LHFPL6: variants seen among roughly 807,000 people sequenced by gnomAD.
The protein encoded by LHFPL6 is LHFPL tetraspan subfamily member 6.
In LHFPL6, 9 loss-of-function variants were observed where a neutral mutation model predicts 20.6. The observed-to-expected ratio is 0.44, with a 90% CI of 0.26 to 0.76. LHFPL6 has a LOEUF of 0.76. Ranked by LOEUF, LHFPL6 falls within the 30% of genes least tolerant of loss-of-function variation. The pLI, the probability that LHFPL6 is intolerant of heterozygous loss-of-function variation, is 0.20. For missense variants in LHFPL6, 218 were observed against 253.5 expected (o/e 0.86, Z 0.95); for synonymous variants, 105 against 98.7 (o/e 1.06, Z -0.38).
At chr13:39,489,027 C>G (rs1404139773) in intron 2 of LHFPL6, among the ~76,000 whole-genome samples, 1 of 152,182 alleles carries the variant, frequency 6.6e-6, no homozygotes. Context: ...CTCCACCTCA[C>G]AAATGATCTG....
intron 3 of LHFPL6, among the ~76,000 whole-genome samples, chr13:39,369,084 T>A (rs1390506444): frequency 1.6e-4 from 23 of 147,584 alleles, no homozygotes; most frequent in African/African-American, 5.5e-4. Context: ...TTTTTTTTTT[T>A]AAACTAATAA....
chr13:39,364,088 A>G (rs1869949333), intron 3 of LHFPL6, among the ~76,000 whole-genome samples: 1 of 152,160 alleles, frequency 6.6e-6, no homozygotes, highest in Non-Finnish European at 1.5e-5. Context: ...AAACATCATT[A>G]TGTAGTGCGT....
chr13:39,523,108 G>A (rs545685020), intron 2 of LHFPL6, among the ~76,000 whole-genome samples: 1 of 152,230 alleles, frequency 6.6e-6, no homozygotes, highest in South Asian at 2.1e-4. Flanking sequence ...ACCACTTTGG[G>A]CCTTTATTTC....
intron 2 of LHFPL6, among the ~76,000 whole-genome samples, chr13:39,472,169 C>G (rs1472497477): frequency 1.3e-5 from 2 of 152,154 alleles, no homozygotes. Flanking sequence ...CATGCCTTCT[C>G]CTTGTGGCTG....
chr13:39,494,284 G>C (rs1049245222), intron 2 of LHFPL6, among the ~76,000 whole-genome samples: 4 of 152,250 alleles, frequency 2.6e-5, no homozygotes, highest in Admixed American at 2.6e-4. Flanking sequence ...CTGCCCATAA[G>C]GAAGGCACTG....
chr13:39,557,462 G>A (rs1871340732), intron 2 of LHFPL6, among the ~76,000 whole-genome samples: 1 of 152,240 alleles, frequency 6.6e-6, no homozygotes, highest in South Asian at 2.1e-4. Context: ...AGGGCAGTGT[G>A]GAGGGAAAAT....
intron 2 of LHFPL6, among the ~76,000 whole-genome samples, chr13:39,490,598 T>C (rs1868894251): frequency 6.6e-6 from 1 of 152,238 alleles, no homozygotes; most frequent in Non-Finnish European, 1.5e-5. Flanking sequence ...TAATGCTACA[T>C]CTGTGGCCAT....
intron 3 of LHFPL6, among the ~76,000 whole-genome samples, chr13:39,371,143 C>T (rs964232509): frequency 2.0e-5 from 3 of 152,138 alleles, no homozygotes; most frequent in Non-Finnish European, 2.9e-5. Flanking sequence ...TTCCAGTTTA[C>T]GGCACTGCTC....
intron 2 of LHFPL6, among the ~76,000 whole-genome samples, chr13:39,411,422 C>T (rs948953725): frequency 6.6e-6 from 1 of 152,208 alleles, no homozygotes; most frequent in Non-Finnish European, 1.5e-5. Flanking sequence ...AGGTGAGCCA[C>T]TTTTTGGAAG....
At chr13:39,566,426 A>G (rs975058925) in intron 2 of LHFPL6, among the ~76,000 whole-genome samples, 3 of 152,172 alleles carry the variant, frequency 2.0e-5, no homozygotes, top group Admixed American at 2.0e-4. Context: ...ACAAAAGGTT[A>G]CTGAGATTGA....
chr13:39,457,643 C>T (rs1872602122), intron 2 of LHFPL6, among the ~76,000 whole-genome samples: 3 of 152,116 alleles, frequency 2.0e-5, no homozygotes, highest in Admixed American at 2.0e-4. Flanking sequence ...AAGGCAAAAC[C>T]ACAATGACAA....
chr13:39,430,115 A>G (rs1257645970), intron 2 of LHFPL6, among the ~76,000 whole-genome samples: 1 of 152,224 alleles, frequency 6.6e-6, no homozygotes, highest in Non-Finnish European at 1.5e-5. Context: ...TTGTGGATTT[A>G]AATACTACTG....
At chr13:39,554,443 C>A (rs1410231345) in intron 2 of LHFPL6, among the ~76,000 whole-genome samples, 1 of 152,182 alleles carries the variant, frequency 6.6e-6, no homozygotes, top group Non-Finnish European at 1.5e-5. Context: ...GCAAGTCAGA[C>A]ACTTTAACAA....
intron 2 of LHFPL6, among the ~76,000 whole-genome samples, chr13:39,527,786 T>C (rs1243861402): frequency 1.3e-5 from 2 of 152,206 alleles, no homozygotes; most frequent in African/African-American, 4.8e-5. Flanking sequence ...GGAAAAACTC[T>C]CATACTTCTG....
At chr13:39,348,158 T>A (rs77305045) in intron 3 of LHFPL6, among the ~76,000 whole-genome samples, 1 of 152,196 alleles carries the variant, frequency 6.6e-6, no homozygotes, top group Non-Finnish European at 1.5e-5. Flanking sequence ...AGTTTAAGCT[T>A]CAGGGTCTCG....
At chr13:39,487,127 C>A (rs1268347543) in intron 2 of LHFPL6, among the ~76,000 whole-genome samples, 1 of 152,128 alleles carries the variant, frequency 6.6e-6, no homozygotes, top group African/African-American at 2.4e-5. Context: ...CTTTTGGAAA[C>A]CATCCAACAG....
intron 2 of LHFPL6, among the ~76,000 whole-genome samples, chr13:39,478,437 T>C (rs1399723134): frequency 6.6e-6 from 1 of 152,196 alleles, no homozygotes; most frequent in Non-Finnish European, 1.5e-5. Flanking sequence ...TGCATATTGA[T>C]AGCACATTAA....
rs1566141876 is a variant in LHFPL6, at chr13:39,562,379, T to TAC, written c.385+38452_385+38453insGT. Among the ~76,000 whole-genome samples, 6 of 119,724 alleles carry TAC rather than the reference T, an allele frequency of 5.0e-5. No individual in the cohort carries two copies. The East Asian group carries it at 6.4e-4, about 13-fold the overall frequency. 78.5% of individuals were successfully genotyped at this position (119,724 alleles called of 152,430 possible). A position where few individuals can be genotyped will look rare whatever the true frequency, so the allele number is the denominator to read the frequency against. On this transcript the variant is annotated intron_variant, in intron 2 of 3. Coordinates refer to ENST00000379589, the MANE Select transcript of LHFPL6 (RefSeq NM_005780.3). The stretch of plus-strand genomic sequence containing the variant: ...ATATATACATATACATATATACATA[T>TAC]ATACATATACATATATATACATATA...
chr13:39,594,493 A>G (rs1470438210), intron 2 of LHFPL6, among the ~76,000 whole-genome samples: 1 of 152,236 alleles, frequency 6.6e-6, no homozygotes, highest in African/African-American at 2.4e-5. Flanking sequence ...ATGTGGAGAA[A>G]TAGGAACAGT....
Sources: gnomAD v4.1 joint callset for allele counts (sites outside exome capture counted in the v4.1 genomes callset) on GRCh38, gnomAD v4.1.1 for gene constraint, MANE v1.5 for transcripts, NCBI Gene and HGNC (gene_info 2026-07-23, HGNC 2026-07-21) for gene names.